IPO8: variants seen among roughly 807,000 people sequenced by gnomAD.
The protein encoded by IPO8 is importin 8.
IPO8 carries 65 observed loss-of-function variants against 141.2 expected under a neutral mutation model. The observed-to-expected ratio is 0.46, with a 90% CI of 0.38 to 0.57. The LOEUF (loss-of-function observed/expected upper bound fraction) is 0.57, where lower values mean the gene tolerates loss of function less well. IPO8 is among the 20% of genes least tolerant of loss of function. IPO8 has a pLI of 0.00. For synonymous variants in IPO8, 411 were observed against 420.3 expected, an observed-to-expected ratio of 0.98 and a Z score of 0.27; for missense variants, 980 against 1,246.8, an observed-to-expected ratio of 0.79 and a Z score of 3.22.
chr12:30,654,718 A>T (rs1184866626), intron 17 of IPO8, among the ~76,000 whole-genome samples: 1 of 152,102 alleles, frequency 6.6e-6, no homozygotes, highest in Non-Finnish European at 1.5e-5. Flanking sequence ...GCTGGAGGGG[A>T]TGTAGAGAAA....
At chr12:30,643,238 C>T (rs140856253) in intron 20 of IPO8, among the ~76,000 whole-genome samples, 1 of 152,148 alleles carries the variant, frequency 6.6e-6, no homozygotes, top group Non-Finnish European at 1.5e-5. Context: ...CACACCATCA[C>T]CCATGAAGTG....
rs2053094903 is a variant in IPO8 at position 30,674,659 on chromosome 12, C to T, written c.824G>A (p.Arg275Gln). ...ALHIVARLFERYGSPGNVTKE... is the reference protein window; with the variant it reads ...ALHIVARLFEQYGSPGNVTKE... The stretch of plus-strand genomic sequence containing the variant: ...ATCAATGTAATAAACAGATAATTAC[C>T]GTTCAAAGAGCCGAGCTACAATATG... The change falls in exon 7 of 25, where the codon CGA (arginine) becomes CAA (glutamine). Residue 275 changes from arginine to glutamine, a missense_variant and splice_region_variant. By Grantham distance (43) the Arg-to-Gln change is conservative. Coordinates refer to ENST00000256079, the MANE Select transcript of IPO8 (RefSeq NM_006390.4). 28 of 1,595,916 alleles carry T rather than the reference C, an allele frequency of 1.8e-5. No homozygotes were observed. Among genetic ancestry groups the T allele is most frequent in the Non-Finnish European group, 2.4e-5 (28 of 1,163,776 alleles).
chr12:30,637,751 GA>G (rs1378432616), intron 21 of IPO8, among the ~76,000 whole-genome samples: 3 of 151,876 alleles, frequency 2.0e-5, no homozygotes, highest in East Asian at 3.9e-4. Context: ...TATTCAGAAA[GA>G]AAAAAAGTTT....
Position 30,649,194 on chromosome 12 carries a change from A to T in IPO8, c.2211T>A (p.His737Gln), listed in dbSNP as rs1485794932. ...CGDAGEDAEC[H>Q]AAKLLEVIIL... is the part of the protein sequence containing the mutation. The stretch of plus-strand genomic sequence containing the variant: ...TGATGACTTCCAGAAGTTTAGCTGC[A>T]TGACACTCTGCATCTTCTCCTGCAT... Residue 737 changes from histidine (H) to glutamine (Q), a missense_variant, in exon 20 of 25, where the codon CAT (histidine) becomes CAA (glutamine). His to Gln is a conservative substitution (Grantham distance 24). Coordinates refer to ENST00000256079, the MANE Select transcript of IPO8 (RefSeq NM_006390.4). 2 of 1,613,288 alleles carry T rather than the reference A, an allele frequency of 1.2e-6. No homozygotes were observed. The highest frequency in any genetic ancestry group is 4.5e-5 in the East Asian group (2 of 44,862).
intron 2 of IPO8, among the ~76,000 whole-genome samples, chr12:30,687,833 T>C (rs1486287034): frequency 6.6e-6 from 1 of 152,172 alleles, no homozygotes; most frequent in Non-Finnish European, 1.5e-5. Context: ...ACAGAATGAA[T>C]TGTTATATCT....
intron 6 of IPO8, 66 bp from the exon 7 acceptor site, chr12:30,674,819 G>T: frequency 9.6e-7 from 1 of 1,046,818 alleles, no homozygotes; most frequent in Non-Finnish European, 1.5e-6. Flanking sequence ...AATAACAAAG[G>T]CAAGATAAAT....
chr12:30,678,834 T>C (rs576948023), intron 5 of IPO8, among the ~76,000 whole-genome samples: 1 of 152,288 alleles, frequency 6.6e-6, no homozygotes, highest in African/African-American at 2.4e-5. Flanking sequence ...ACAAGATCTG[T>C]TGTATCATAC....
intron 6 of IPO8, among the ~76,000 whole-genome samples, chr12:30,675,161 G>A (rs6487928): frequency 0.21 from 32,519 of 152,088 alleles, 3,629 homozygotes; most frequent in East Asian, 0.3. Flanking sequence ...TTTGTCTCAC[G>A]ATATGGACAA....
chr12:30,632,730 T>C (rs1385424678), intron 23 of IPO8, among the ~76,000 whole-genome samples: 1 of 152,174 alleles, frequency 6.6e-6, no homozygotes, highest in South Asian at 2.1e-4. Flanking sequence ...TCTAGTCCTT[T>C]CCAGTTTTTT....
intron 21 of IPO8, among the ~76,000 whole-genome samples, chr12:30,639,286 A>T (rs959620606): frequency 8.5e-5 from 13 of 152,192 alleles, no homozygotes; most frequent in South Asian, 2.1e-4. Context: ...AATAAATAAA[A>T]AAAATAAAAG....
chr12:30,634,668 C>T (rs1169551851), intron 22 of IPO8, among the ~76,000 whole-genome samples: 1 of 151,932 alleles, frequency 6.6e-6, no homozygotes, highest in Admixed American at 6.6e-5. Context: ...AGTGACTGTA[C>T]GGTCAGTGCA....
In IPO8 at chr12:30,695,443, C is replaced by A; in HGVS notation, c.84+121G>T. 1.3e-6 allele frequency: 1 copy of A among 785,818 alleles called. No individual in the cohort carries two copies. Among genetic ancestry groups the A allele is most frequent in the South Asian group, 1.6e-5 (1 of 61,760 alleles). The allele number at this position is 785,818 out of a possible 1,614,324, so 48.7% of individuals were successfully genotyped here. A position where few individuals can be genotyped will look rare whatever the true frequency, so the allele number is the denominator to read the frequency against. On this transcript the variant is annotated intron_variant, in intron 1 of 24. Transcript: ENST00000256079. This position sits in a 1 kb window ranked among gnomAD's most constrained non-coding sequence, Gnocchi z 4.2. Reference sequence around the variant, plus strand: ...AGCGGGGTCGGAGAGCGGGACCAGCCGTGAGGCGTCAGCCCCAGCCCGGTG... The same window carrying A: ...AGCGGGGTCGGAGAGCGGGACCAGCAGTGAGGCGTCAGCCCCAGCCCGGTG...
chr12:30,676,856 T>C, intron 5 of IPO8: 1 of 1,283,384 alleles, frequency 7.8e-7, no homozygotes, highest in Admixed American at 2.0e-5. Context: ...GTCTCATTTA[T>C]TCAGCATGAG....
chr12:30,668,269 G>A (rs1451560185), intron 10 of IPO8, among the ~76,000 whole-genome samples: 1 of 152,110 alleles, frequency 6.6e-6, no homozygotes, highest in Non-Finnish European at 1.5e-5. Context: ...CTCACTTACT[G>A]AATCAAATAA....
chr12:30,693,205 A>G (rs981903165), intron 1 of IPO8, among the ~76,000 whole-genome samples: 4 of 152,224 alleles, frequency 2.6e-5, no homozygotes, highest in Non-Finnish European at 4.4e-5. Context: ...CTATTCCTCT[A>G]TGCTGCCTCT....
At chr12:30,678,433 A>G (rs1352745862) in intron 5 of IPO8, among the ~76,000 whole-genome samples, 1 of 152,156 alleles carries the variant, frequency 6.6e-6, no homozygotes, top group Non-Finnish European at 1.5e-5. Flanking sequence ...AGCTGCTTTC[A>G]GTATTTGGTA....
chr12:30,634,159 C>T lies in IPO8; in HGVS notation c.2823G>A (p.Ala941=), dbSNP rs756381329. 77 of 1,613,866 alleles carry T rather than the reference C, an allele frequency of 4.8e-5. No individual in the cohort carries two copies. The highest frequency in any genetic ancestry group is 5.5e-5 in the Non-Finnish European group (65 of 1,179,902). The change falls in exon 23 of 25, where the codon GCG becomes GCA. Residue 941 remains alanine (A), a synonymous_variant. Transcript: ENST00000256079. Reference sequence around the variant, plus strand: ...CAAGTGGAGTACTGAACCCCTCAAGCGCGGTTTCTTCCAATACTTCTTCAT... The same window carrying T: ...CAAGTGGAGTACTGAACCCCTCAAGTGCGGTTTCTTCCAATACTTCTTCAT... ...DWDEEVLEET[A]LEGFSTPLDL... is the part of the protein sequence containing the mutation.
chr12:30,685,500 TTGTGTGTGTG>T (rs112645384), intron 2 of IPO8, among the ~76,000 whole-genome samples: 16 of 148,556 alleles, frequency 1.1e-4, no homozygotes, highest in Admixed American at 1.0e-3. Flanking sequence ...ACTTATAATG[TTGTGTGTGTG>T]TGTGTGTGTG....
chr12:30,632,712 C>T (rs1229924474), intron 23 of IPO8, among the ~76,000 whole-genome samples: 2 of 152,194 alleles, frequency 1.3e-5, no homozygotes, highest in Non-Finnish European at 2.9e-5. Context: ...TAACACTTGG[C>T]TCCCACATCT....
Sources: allele counts gnomAD v4.1 joint callset (sites outside exome capture counted in the v4.1 genomes callset), GRCh38; gene constraint gnomAD v4.1.1; non-coding constraint Gnocchi (gnomAD v3.1); transcripts MANE v1.5; gene names NCBI Gene and HGNC (gene_info 2026-07-23, HGNC 2026-07-21).